PLEKHM3: variants seen among roughly 807,000 people sequenced by gnomAD.
The protein encoded by PLEKHM3 is pleckstrin homology domain containing M3.
In PLEKHM3, 45 loss-of-function variants were observed where a neutral mutation model predicts 81.8. The ratio of observed to expected loss-of-function variants is 0.55; its 90% confidence interval spans 0.43 to 0.71. The LOEUF is 0.71. PLEKHM3 is among the 30% of genes least tolerant of loss of function. PLEKHM3 has a pLI of 0.00. For missense variants in PLEKHM3, 788 were observed against 924.3 expected (o/e 0.85, Z 1.91); for synonymous variants, 352 against 356.4 (o/e 0.99, Z 0.14).
At chr2:207,980,733 T>G (rs888222482) in intron 2 of PLEKHM3, among the ~76,000 whole-genome samples, 2 of 152,156 alleles carry the variant, frequency 1.3e-5, no homozygotes, top group African/African-American at 4.8e-5. Flanking sequence ...CACACCTGGC[T>G]AATTTTTGTA....
chr2:207,879,072 T>C (rs1559218293), intron 6 of PLEKHM3, among the ~76,000 whole-genome samples: 1 of 152,336 alleles, frequency 6.6e-6, no homozygotes, highest in Non-Finnish European at 1.5e-5. Context: ...GCTATTACCA[T>C]GTATGAGTTC....
At chr2:207,862,355 G>T (rs187280414) in intron 6 of PLEKHM3, among the ~76,000 whole-genome samples, 38 of 152,294 alleles carry the variant, frequency 2.5e-4, no homozygotes, top group Non-Finnish European at 4.6e-4. Context: ...ATCTGAGGGA[G>T]GCTGGGTGCT....
At chr2:207,888,709 A>G (rs576606277) in intron 6 of PLEKHM3, among the ~76,000 whole-genome samples, 2 of 152,232 alleles carry the variant, frequency 1.3e-5, no homozygotes, top group Admixed American at 6.5e-5. Flanking sequence ...CTCTACTTCT[A>G]TTATGTCTAT....
chr2:207,986,272 C>A (rs1161430783), intron 2 of PLEKHM3, among the ~76,000 whole-genome samples: 1 of 152,096 alleles, frequency 6.6e-6, no homozygotes, highest in Non-Finnish European at 1.5e-5. Flanking sequence ...TGAAAAGAAG[C>A]CAGAGCAGAA....
chr2:207,850,187 A>G (rs1249325765), intron 7 of PLEKHM3, among the ~76,000 whole-genome samples: 1 of 151,994 alleles, frequency 6.6e-6, no homozygotes, highest in African/African-American at 2.4e-5. Context: ...CGACCTCATC[A>G]CCTCTTAAAG....
At chr2:207,960,803 C>T (rs923855019) in intron 3 of PLEKHM3, among the ~76,000 whole-genome samples, 3 of 152,196 alleles carry the variant, frequency 2.0e-5, no homozygotes, top group South Asian at 4.1e-4. Context: ...CCTAGCCTAA[C>T]AATGGATGAG....
At chr2:207,914,165 CA>C (rs909161963) in intron 5 of PLEKHM3, among the ~76,000 whole-genome samples, 1 of 151,894 alleles carries the variant, frequency 6.6e-6, no homozygotes, top group African/African-American at 2.4e-5. Flanking sequence ...CCAGACTGGG[CA>C]ACATAGCAAG....
At chr2:208,023,114 G>A (rs1428214508) in intron 1 of PLEKHM3, among the ~76,000 whole-genome samples, 2 of 151,692 alleles carry the variant, frequency 1.3e-5, no homozygotes, top group African/African-American at 4.9e-5. Flanking sequence ...TTAAATTGTG[G>A]TAAAATATAT....
chr2:207,936,168 G>A (rs749086694), intron 4 of PLEKHM3, among the ~76,000 whole-genome samples: 8 of 152,128 alleles, frequency 5.3e-5, no homozygotes, highest in Non-Finnish European at 1.2e-4. Flanking sequence ...TAAATTTTTT[G>A]TAGAGATAGG....
At position 207,832,871 on chromosome 2, in the gene PLEKHM3, G is replaced by A. The variant is rs59975915; in HGVS notation, c.2109-4375C>T. 2.0e-5 allele frequency among the ~76,000 whole-genome samples: 3 copies of A among 151,694 alleles called. No homozygotes were observed. The South Asian group carries it at 6.3e-4, about 32-fold the overall frequency. On this transcript the variant is annotated intron_variant, in intron 7 of 7. Coordinates refer to ENST00000427836, the MANE Select transcript of PLEKHM3 (RefSeq NM_001080475.3). ...TCATGCCTGTAATCCCAGCACTTTG[G>A]GAGGCTGAGGTGGGTGGATCACCTG...
Position 207,976,564 on chromosome 2 carries a change from C to A in PLEKHM3, c.1546+87G>T. The A allele has an allele frequency of 1.5e-6, 2 of 1,300,198 alleles. No homozygotes were observed. The highest frequency in any genetic ancestry group is 1.1e-6 in the Non-Finnish European group (1 of 947,546). The allele number at this position is 1,300,198 out of a possible 1,614,324, so 80.5% of individuals were successfully genotyped here. A position where few individuals can be genotyped will look rare whatever the true frequency, so the allele number is the denominator to read the frequency against. ...TAAACAGGAGATAGCTGTGACTAGC[C>A]TATTAAGGGGATTTTTAAAGTGAAT... On this transcript the variant is annotated intron_variant, in intron 3 of 7. Transcript: ENST00000427836. This position sits in a 1 kb window ranked among gnomAD's most constrained non-coding sequence, Gnocchi z 4.1.
chr2:207,841,472 AAAAAAAAAATATATATATAT>A (rs1160893805), intron 7 of PLEKHM3, among the ~76,000 whole-genome samples: 7 of 41,986 alleles, frequency 1.7e-4, no homozygotes, highest in African/African-American at 8.9e-4. Flanking sequence ...AAAAAAAAAA[AAAAAAAAAATATATATATAT>A]ATATATATAT....
chr2:207,833,420 C>T (rs552661327), intron 7 of PLEKHM3, among the ~76,000 whole-genome samples: 11 of 152,268 alleles, frequency 7.2e-5, no homozygotes, highest in South Asian at 2.1e-4. Context: ...CAAAGACTAA[C>T]GTCCTCCCTT....
chr2:207,982,452 T>C (rs1364646562), intron 2 of PLEKHM3, among the ~76,000 whole-genome samples: 1 of 152,106 alleles, frequency 6.6e-6, no homozygotes, highest in African/African-American at 2.4e-5. Flanking sequence ...TAATTTTTTA[T>C]AGAGACAGAG....
chr2:207,889,329 T>A (rs1687977024), intron 6 of PLEKHM3, among the ~76,000 whole-genome samples: 1 of 151,968 alleles, frequency 6.6e-6, no homozygotes, highest in Non-Finnish European at 1.5e-5. Flanking sequence ...ACCACCTTAG[T>A]GAGGAGGAGA....
chr2:207,998,712 G>C (rs1692198004), intron 2 of PLEKHM3, among the ~76,000 whole-genome samples: 1 of 152,056 alleles, frequency 6.6e-6, no homozygotes, highest in South Asian at 2.1e-4. Flanking sequence ...GAGTAGTTCA[G>C]GTCTTTACAG....
intron 7 of PLEKHM3, among the ~76,000 whole-genome samples, chr2:207,842,645 C>T (rs2092360843): frequency 6.6e-6 from 1 of 152,142 alleles, no homozygotes; most frequent in South Asian, 2.1e-4. Context: ...CCCTTTCATT[C>T]AGTGAGAACA....
chr2:207,892,244 G>A (rs1688081134), intron 6 of PLEKHM3, among the ~76,000 whole-genome samples: 1 of 152,166 alleles, frequency 6.6e-6, no homozygotes. Context: ...GTCATGCAGT[G>A]CCAGTACTTT....
chr2:208,020,515 T>C (rs1441244101), intron 1 of PLEKHM3, among the ~76,000 whole-genome samples: 1 of 152,250 alleles, frequency 6.6e-6, no homozygotes, highest in African/African-American at 2.4e-5. Context: ...ATGTCTGGTA[T>C]GATCCCACAG....
Sources: allele counts gnomAD v4.1 joint callset (sites outside exome capture counted in the v4.1 genomes callset), GRCh38; gene constraint gnomAD v4.1.1; non-coding constraint Gnocchi (gnomAD v3.1); transcripts MANE v1.5; gene names NCBI Gene and HGNC (gene_info 2026-07-23, HGNC 2026-07-21).